Variants in TET3 observed in about 807,000 individuals in gnomAD.
TET3 encodes the protein tet methylcytosine dioxygenase 3.
TET3 carries 19 observed loss-of-function variants against 141.4 expected under a neutral mutation model. The ratio of observed to expected loss-of-function variants is 0.13; its 90% CI spans 0.09 to 0.20. The LOEUF (loss-of-function observed/expected upper bound fraction) is 0.20. Among genes scored for constraint, TET3 ranks in the 10% least tolerant of loss-of-function variants. TET3 has a pLI of 1.00. For synonymous variants in TET3, 1,043 were observed against 980.9 expected, an observed-to-expected ratio of 1.06 and a Z score of -1.18; for missense variants, 1,874 against 2,356.9, an observed-to-expected ratio of 0.80 and a Z score of 4.24.
chr2:74,031,872 T>A (rs1163423170), intron 3 of TET3, among the ~76,000 whole-genome samples: 4 of 152,066 alleles, frequency 2.6e-5, no homozygotes, highest in Admixed American at 6.6e-5. Flanking sequence ...ATGTGGGAGC[T>A]CATTCTCCAA....
intron 10 of TET3, among the ~76,000 whole-genome samples, chr2:74,096,879 C>G (rs1188246708): frequency 1.3e-5 from 2 of 151,882 alleles, no homozygotes; most frequent in African/African-American, 4.8e-5. Flanking sequence ...CTCACTTGAG[C>G]CCAGGAGTTT....
chr2:74,045,845 C>G (rs546028602), intron 3 of TET3, among the ~76,000 whole-genome samples: 88 of 152,366 alleles, frequency 5.8e-4, no homozygotes, highest in African/African-American at 1.9e-3. Flanking sequence ...CGAACCCACA[C>G]TTCACACTTA....
chr2:74,034,575 TAAA>T (rs57991784), intron 3 of TET3, among the ~76,000 whole-genome samples: 3 of 130,042 alleles, frequency 2.3e-5, no homozygotes, highest in Non-Finnish European at 1.7e-5. Flanking sequence ...GAGCATTGAT[TAAA>T]AAAAAAAAAA....
intron 7 of TET3, among the ~76,000 whole-genome samples, chr2:74,089,402 C>CCCA (rs1690349328): frequency 6.6e-6 from 1 of 151,980 alleles, no homozygotes; most frequent in Non-Finnish European, 1.5e-5. Flanking sequence ...ATCCATCCCC[C>CCCA]AGTTAGGGGC....
chr2:74,035,947 G>A (rs985505222), intron 3 of TET3, among the ~76,000 whole-genome samples: 4 of 151,758 alleles, frequency 2.6e-5, no homozygotes, highest in Non-Finnish European at 5.9e-5. Flanking sequence ...AGCCCGGGAG[G>A]CAGAGGTTTC....
chr2:74,029,325 T>TG (rs1686546625), intron 3 of TET3, among the ~76,000 whole-genome samples: 1 of 152,072 alleles, frequency 6.6e-6, no homozygotes, highest in African/African-American at 2.4e-5. Context: ...TAAGCCCAAA[T>TG]AGACATGGAA....
chr2:74,024,503 C>T (rs1374091494), intron 3 of TET3, among the ~76,000 whole-genome samples: 1 of 152,076 alleles, frequency 6.6e-6, no homozygotes. Context: ...CTTCCTTGCC[C>T]TCTGCTCTGC....
At position 74,101,858 on chromosome 2, in the gene TET3, G is replaced by C; in HGVS notation, c.5070G>C (p.Ser1690=). 1 of 1,613,144 alleles carries C rather than the reference G, an allele frequency of 6.2e-7. No individual in the cohort carries two copies. Among genetic ancestry groups the C allele is most frequent in the Non-Finnish European group, 8.5e-7 (1 of 1,179,782 alleles). The change falls in exon 12 of 12, where the codon TCG becomes TCC. Residue 1690 remains serine (S), a synonymous_variant. Transcript: ENST00000409262. This position sits in a 1 kb window ranked among gnomAD's most constrained non-coding sequence, Gnocchi z 8.5. ...ACCGCTGCCACCCCACCCGCATCTCGCTGGTCTTCTACCAGCACAAGAACC... is the reference window on the plus strand; with the variant it reads ...ACCGCTGCCACCCCACCCGCATCTCCCTGGTCTTCTACCAGCACAAGAACC... ...KPNRCHPTRI[S]LVFYQHKNLN...
At chr2:74,036,093 C>A (rs1687043079) in intron 3 of TET3, among the ~76,000 whole-genome samples, 1 of 152,328 alleles carries the variant, frequency 6.6e-6, no homozygotes, top group Non-Finnish European at 1.5e-5. Context: ...TACTATGTAC[C>A]TGGTACTGTT....
At chr2:74,015,027 T>A (rs1685655880) in intron 3 of TET3, among the ~76,000 whole-genome samples, 1 of 152,206 alleles carries the variant, frequency 6.6e-6, no homozygotes, top group African/African-American at 2.4e-5. Flanking sequence ...GTCTCCCCTC[T>A]CTGGGTCCAG....
At chr2:74,117,757 T>A in the TET3 span, among the ~76,000 whole-genome samples, 35,438 of 151,892 alleles carry the variant, frequency 0.23, 4,526 homozygotes, top group East Asian at 0.37. Context: ...ATTATATATA[T>A]TTTTTTATAA....
chr2:74,075,518 G>A (rs1689456232), intron 5 of TET3, among the ~76,000 whole-genome samples: 1 of 151,292 alleles, frequency 6.6e-6, no homozygotes, highest in Admixed American at 6.6e-5. Context: ...TAATAGAGAC[G>A]GGGTTTCACC....
chr2:74,068,287 C>A (rs1448638535), intron 4 of TET3, among the ~76,000 whole-genome samples: 5 of 151,710 alleles, frequency 3.3e-5, no homozygotes, highest in Non-Finnish European at 7.4e-5. Context: ...ATGTATATAC[C>A]TTTATGCTTG....
At chr2:74,008,772 G>A (rs894059725) in intron 3 of TET3, among the ~76,000 whole-genome samples, 1 of 152,052 alleles carries the variant, frequency 6.6e-6, no homozygotes, top group Non-Finnish European at 1.5e-5. Flanking sequence ...GAGGGGTGGG[G>A]GGAGGTAACA....
Position 74,105,592 on chromosome 2 carries a change from C to T in TET3, c.*3416C>T, listed in dbSNP as rs1353798182. ...CTGCTTTGCCTTCTCACCAAGGTGA[C>T]GATGGTGTGCGTGGAAAGAGATGAT... On this transcript the variant is annotated 3_prime_UTR_variant, in exon 12 of 12. Transcript: ENST00000409262. 1.5e-5 allele frequency: 6 copies of T among 391,038 alleles called. No homozygotes were observed. Among genetic ancestry groups the T allele is most frequent in the Non-Finnish European group, 2.3e-5 (5 of 221,100 alleles). The allele number at this position is 391,038 out of a possible 1,614,324, so 24.2% of individuals were successfully genotyped here.
At chr2:74,122,488 T>TAC in the TET3 span, 2 of 95,090 alleles carry the variant, frequency 2.1e-5, no homozygotes, top group South Asian at 5.8e-4. Flanking sequence ...TATAAATACA[T>TAC]ACATATATAT....
At chr2:74,060,673 C>T (rs946780550) in intron 4 of TET3, among the ~76,000 whole-genome samples, 5 of 152,090 alleles carry the variant, frequency 3.3e-5, no homozygotes, top group Admixed American at 2.6e-4. Context: ...ACCCTGCGGC[C>T]TTCCGCAGTG....
At chr2:74,002,995 T>C (rs1383560923) in intron 2 of TET3, 115 bp from the exon 3 acceptor site, 3 of 1,110,280 alleles carry the variant, frequency 2.7e-6, no homozygotes, top group South Asian at 2.8e-5. Flanking sequence ...TCCCAGGCTG[T>C]ATCCCCTCCC....
rs750788060 is a variant in TET3, at chr2:74,101,655, A to G, written c.4867A>G (p.Lys1623Glu). ...GGAGCCCCCCAGCAAGGGAGCGGTG[A>G]AGGAGGAGAAGGGCGGTGGTGGTGC... The part of the protein sequence containing the change: ...AEEPPSKGAV[K>E]EEKGGGGAEE... Residue 1623 changes from lysine to glutamate, a missense_variant, in exon 12 of 12, where the codon AAG (lysine) becomes GAG (glutamate). Lys to Glu is a moderately conservative substitution (Grantham distance 56). This residue lies in a region of TET3 where 602 missense variants were observed against 590.2 expected (regional missense o/e 1.02). Coordinates refer to ENST00000409262, the MANE Select transcript of TET3 (RefSeq NM_001287491.2). This position sits in a 1 kb window ranked among gnomAD's most constrained non-coding sequence, Gnocchi z 8.5. The G allele has an allele frequency of 1.9e-6, 3 of 1,613,552 alleles. No homozygotes were observed. The highest frequency in any genetic ancestry group is 2.5e-6 in the Non-Finnish European group (3 of 1,179,788).
Sources: gnomAD v4.1 joint callset for allele counts (sites outside exome capture counted in the v4.1 genomes callset) on GRCh38, gnomAD v4.1.1 for gene constraint, gnomAD v4.1.1 regional missense constraint, Gnocchi (gnomAD v3.1) non-coding constraint, MANE v1.5 for transcripts, NCBI Gene and HGNC (gene_info 2026-07-23, HGNC 2026-07-21) for gene names.